The following DOK6 variants were observed in gnomAD, a reference collection of about 807,000 sequenced individuals.
DOK6 encodes downstream of tyrosine kinase 6.
A neutral mutation model predicts 44.0 loss-of-function variants in DOK6; 22 were observed. That is an observed-to-expected ratio of 0.50 (90% CI 0.36 to 0.71). DOK6 has a LOEUF of 0.71. Ranked by LOEUF, DOK6 falls within the 30% of genes least tolerant of loss-of-function variation. The pLI is 0.00. For synonymous variants in DOK6, 166 were observed against 145.5 expected (o/e 1.14, Z -1.01); for missense variants, 340 against 416.4 (o/e 0.82, Z 1.60).
In DOK6 at chr18:69,776,781, A is replaced by G. The variant is rs144287502; in HGVS notation, c.856+18908A>G. On this transcript the variant is annotated intron_variant, in intron 7 of 7. Coordinates refer to ENST00000382713, the MANE Select transcript of DOK6 (RefSeq NM_152721.6). The stretch of plus-strand genomic sequence containing the variant: ...TGAGATGATCTCTATAGGTACAGAA[A>G]AATATTTGATAAAATTCAGTATTCA... Among the ~76,000 whole-genome samples, 24 of 152,202 alleles carry G rather than the reference A, an allele frequency of 1.6e-4. 1 individual carries two copies. Among genetic ancestry groups the G allele is most frequent in the Admixed American group, 1.4e-3 (21 of 15,254 alleles).
chr18:69,449,067 A>T (rs1053623668), intron 1 of DOK6, among the ~76,000 whole-genome samples: 1 of 152,230 alleles, frequency 6.6e-6, no homozygotes, highest in Non-Finnish European at 1.5e-5. Flanking sequence ...ACATATGTTC[A>T]TCCTAGAGAT....
intron 5 of DOK6, chr18:69,705,172 G>T (rs1986607443): frequency 6.6e-6 from 1 of 152,134 alleles, no homozygotes; most frequent in Admixed American, 6.5e-5. Flanking sequence ...TTGAAGCGTT[G>T]CACGTTTCTC....
intron 1 of DOK6, among the ~76,000 whole-genome samples, chr18:69,454,664 G>A (rs1328128028): frequency 8.3e-6 from 1 of 119,880 alleles, no homozygotes; most frequent in Non-Finnish European, 1.8e-5. Flanking sequence ...CAACCCAAAT[G>A]TCCAACAATT....
chr18:69,480,948 C>T (rs76095859), intron 1 of DOK6, among the ~76,000 whole-genome samples: 5,596 of 152,178 alleles, frequency 0.037, 154 homozygotes, highest in Admixed American at 0.093. Context: ...ACTGGATGGC[C>T]AGAGAAGCCC....
chr18:69,583,256 T>C (rs530471343), intron 2 of DOK6, among the ~76,000 whole-genome samples: 17 of 152,338 alleles, frequency 1.1e-4, no homozygotes, highest in African/African-American at 3.6e-4. Context: ...TGTAAAGTCA[T>C]GGTCAACAGT....
At chr18:69,415,618 T>A (rs1398012796) in intron 1 of DOK6, among the ~76,000 whole-genome samples, 1 of 152,132 alleles carries the variant, frequency 6.6e-6, no homozygotes, top group African/African-American at 2.4e-5. Flanking sequence ...TGCATGCAGA[T>A]AGCCGTATTG....
intron 3 of DOK6, among the ~76,000 whole-genome samples, chr18:69,608,320 T>C (rs182626096): frequency 1.1e-3 from 172 of 152,352 alleles, no homozygotes; most frequent in Admixed American, 3.3e-3. Flanking sequence ...GTTGACTATA[T>C]ACGTGTGGAT....
At chr18:69,816,722 A>G (rs147178566) in intron 7 of DOK6, among the ~76,000 whole-genome samples, 17 of 152,354 alleles carry the variant, frequency 1.1e-4, no homozygotes, top group African/African-American at 2.9e-4. Context: ...ATCAGTCTAC[A>G]TGGGAACCCT....
At chr18:69,410,581 CA>C (rs1410581995) in intron 1 of DOK6, among the ~76,000 whole-genome samples, 2 of 152,150 alleles carry the variant, frequency 1.3e-5, no homozygotes, top group African/African-American at 4.8e-5. Context: ...AGGAATACAA[CA>C]AAAAATTTCT....
At chr18:69,624,550 A>T (rs1984513653) in intron 3 of DOK6, among the ~76,000 whole-genome samples, 1 of 152,134 alleles carries the variant, frequency 6.6e-6, no homozygotes, top group Non-Finnish European at 1.5e-5. Flanking sequence ...CACTTTAATC[A>T]CTTGGCCATC....
intron 3 of DOK6, among the ~76,000 whole-genome samples, chr18:69,645,110 G>A (rs1238097216): frequency 6.6e-6 from 1 of 152,104 alleles, no homozygotes; most frequent in Non-Finnish European, 1.5e-5. Flanking sequence ...GTAGAACACC[G>A]CTAAAACCAG....
At position 69,496,363 on chromosome 18, in the gene DOK6, C is replaced by T. The variant is rs187226124; in HGVS notation, c.67-68124C>T. On this transcript the variant is annotated intron_variant, in intron 1 of 7. Transcript: ENST00000382713. ...TCCCACCCCACCAACTCGGAAGGGG[C>T]GGGGCTCCCACTTGTCCCGGCTACC... Among the ~76,000 whole-genome samples the T allele has an allele frequency of 9.1e-4, 138 of 152,330 alleles. 2 individuals are homozygous for T. Among genetic ancestry groups the T allele is most frequent in the African/African-American group, 3.2e-3 (135 of 41,580 alleles).
intron 2 of DOK6, among the ~76,000 whole-genome samples, chr18:69,567,180 C>T (rs1044937018): frequency 1.3e-5 from 2 of 152,276 alleles, no homozygotes; most frequent in South Asian, 2.1e-4. Context: ...GACATGTTTA[C>T]GGAGCCCTTA....
chr18:69,701,525 T>C (rs148335144), intron 5 of DOK6, among the ~76,000 whole-genome samples: 4 of 152,222 alleles, frequency 2.6e-5, no homozygotes, highest in Non-Finnish European at 5.9e-5. Flanking sequence ...TTTTACTTCA[T>C]GTTACCTCAT....
chr18:69,443,976 T>C lies in DOK6; in HGVS notation c.66+42666T>C, dbSNP rs557898748. The stretch of plus-strand genomic sequence containing the variant: ...ACACACACATAATCATATATATATA[T>C]ACACACACAATACACATATACATAC... On this transcript the variant is annotated intron_variant, in intron 1 of 7. Transcript: ENST00000382713. Among the ~76,000 whole-genome samples the C allele has an allele frequency of 4.1e-4, 62 of 152,026 alleles. 1 individual carries two copies. The East Asian group carries it at 8.5e-3, about 21-fold the overall frequency.
In DOK6 at chr18:69,848,839, C is replaced by G. The variant is rs1982410702; in HGVS notation, c.*7456C>G. ...AGTTCAAAAATACTACTTTACATCA[C>G]AACTTTGCATGGCTGAGATTTTGAA... On this transcript the variant is annotated 3_prime_UTR_variant, in exon 8 of 8. Transcript: ENST00000382713. 6.6e-6 allele frequency: 1 copy of G among 152,194 alleles called. No homozygotes were observed. Among genetic ancestry groups the G allele is most frequent in the African/African-American group, 2.4e-5 (1 of 41,442 alleles). The allele number at this position is 152,194 out of a possible 1,614,324, so 9.4% of individuals were successfully genotyped here.
intron 4 of DOK6, among the ~76,000 whole-genome samples, chr18:69,681,220 T>C (rs909972618): frequency 3.3e-5 from 5 of 152,216 alleles, no homozygotes; most frequent in African/African-American, 7.2e-5. Context: ...TTAACATGGT[T>C]TGTGGTGATC....
chr18:69,480,641 A>T lies in DOK6; in HGVS notation c.66+79331A>T, dbSNP rs566715583. On this transcript the variant is annotated intron_variant, in intron 1 of 7. Coordinates refer to ENST00000382713, the MANE Select transcript of DOK6 (RefSeq NM_152721.6). The stretch of plus-strand genomic sequence containing the variant: ...CAGTTGAACACAAGGATATTGTGTA[A>T]TCCCTCTGCGTTCTGCTTTTTGAAG... 2.0e-5 allele frequency among the ~76,000 whole-genome samples: 3 copies of T among 152,270 alleles called. No homozygotes were observed. The East Asian group carries it at 5.8e-4, about 29-fold the overall frequency.
At chr18:69,720,960 G>A (rs1986993031) in intron 5 of DOK6, among the ~76,000 whole-genome samples, 1 of 151,994 alleles carries the variant, frequency 6.6e-6, no homozygotes, top group Admixed American at 6.6e-5. Flanking sequence ...CTTATATACA[G>A]CCCACCCAAA....
Sources: gnomAD v4.1 joint callset for allele counts (sites outside exome capture counted in the v4.1 genomes callset) on GRCh38, gnomAD v4.1.1 for gene constraint, MANE v1.5 for transcripts, NCBI Gene and HGNC (gene_info 2026-07-23, HGNC 2026-07-21) for gene names.